Variants in PDE1C observed in about 807,000 individuals in gnomAD.
PDE1C encodes phosphodiesterase 1C.
In PDE1C, 62 loss-of-function variants were observed where a neutral mutation model predicts 93.1. The ratio of observed to expected loss-of-function variants is 0.67; its 90% CI spans 0.54 to 0.82. PDE1C has a LOEUF of 0.82. Among genes scored for constraint, PDE1C ranks in the 40% least tolerant of loss-of-function variants. The pLI is 0.00. For missense variants in PDE1C, 742 were observed against 884.6 expected, an observed-to-expected ratio of 0.84 and a Z score of 2.04; for synonymous variants, 325 against 310.1, an observed-to-expected ratio of 1.05 and a Z score of -0.50.
intron 1 of PDE1C, among the ~76,000 whole-genome samples, chr7:32,066,098 A>G (rs1020205682): frequency 1.3e-5 from 2 of 152,216 alleles, no homozygotes; most frequent in Admixed American, 1.3e-4. Flanking sequence ...GTCCAGAAGA[A>G]AAGCAAAGCC....
At chr7:31,886,644 C>A (rs1033296265) in intron 2 of PDE1C, among the ~76,000 whole-genome samples, 2 of 152,072 alleles carry the variant, frequency 1.3e-5, no homozygotes, top group Admixed American at 6.5e-5. Flanking sequence ...AATAACAAAG[C>A]CCTCCCCAGT....
the PDE1C span, among the ~76,000 whole-genome samples, chr7:31,697,685 G>T: frequency 2.6e-5 from 4 of 152,186 alleles, no homozygotes; most frequent in Non-Finnish European, 5.9e-5. Flanking sequence ...TTCATGGCTA[G>T]AGTATGACTC....
chr7:31,717,095 G>T, the PDE1C span, among the ~76,000 whole-genome samples: 1 of 152,198 alleles, frequency 6.6e-6, no homozygotes, highest in Non-Finnish European at 1.5e-5. Flanking sequence ...GCTCTGTATT[G>T]TAAGTTATAT....
intron 2 of PDE1C, among the ~76,000 whole-genome samples, chr7:31,971,784 G>A (rs903171693): frequency 3.3e-5 from 5 of 152,206 alleles, no homozygotes; most frequent in African/African-American, 1.2e-4. Context: ...TCCAAGGTAT[G>A]TTTTCTGACA....
chr7:31,890,232 C>T (rs2128897586), intron 2 of PDE1C, among the ~76,000 whole-genome samples: 1 of 152,298 alleles, frequency 6.6e-6, no homozygotes, highest in Non-Finnish European at 1.5e-5. Flanking sequence ...TGACAGACTA[C>T]CAAGAGGTAA....
intron 9 of PDE1C, among the ~76,000 whole-genome samples, chr7:31,845,507 A>G (rs1185024110): frequency 1.3e-5 from 2 of 152,070 alleles, no homozygotes; most frequent in Non-Finnish European, 2.9e-5. Context: ...GGAGGGAAAC[A>G]TCACACACTG....
intron 2 of PDE1C, among the ~76,000 whole-genome samples, chr7:31,901,629 G>T (rs1293565685): frequency 5.3e-5 from 8 of 150,978 alleles, no homozygotes; most frequent in Non-Finnish European, 1.0e-4. Context: ...AACATAGAAG[G>T]CTAAACTTTT....
At chr7:32,171,529 A>G (rs916613513) in intron 2 of PDE1C, among the ~76,000 whole-genome samples, 3 of 149,248 alleles carry the variant, frequency 2.0e-5, no homozygotes, top group Admixed American at 6.7e-5. Flanking sequence ...TATTAAAATT[A>G]ATATTTTAAT....
chr7:32,381,484 G>A (rs1351711551), intron 1 of PDE1C, among the ~76,000 whole-genome samples: 1 of 152,020 alleles, frequency 6.6e-6, no homozygotes, highest in African/African-American at 2.4e-5. Context: ...AACTACTTCT[G>A]TGCTCTAACC....
chr7:31,622,904 T>TAAAAAATGATAAAGGGGATATCA, the PDE1C span, among the ~76,000 whole-genome samples: 1 of 151,828 alleles, frequency 6.6e-6, no homozygotes, highest in Non-Finnish European at 1.5e-5. Flanking sequence ...ATAGACACAA[T>TAAAAAATGATAAAGGGGATATCA]AAAAAATGAT....
At chr7:31,922,890 A>G (rs1381176895) in intron 2 of PDE1C, among the ~76,000 whole-genome samples, 4 of 152,234 alleles carry the variant, frequency 2.6e-5, no homozygotes, top group South Asian at 2.1e-4. Context: ...AGAACAACAC[A>G]GTTTATGACT....
intron 3 of PDE1C, among the ~76,000 whole-genome samples, chr7:32,105,854 C>A (rs1440140496): frequency 6.6e-6 from 1 of 151,834 alleles, no homozygotes; most frequent in African/African-American, 2.4e-5. Flanking sequence ...GCAATTTAGA[C>A]CAGTCCAAGA....
chr7:32,256,038 G>C (rs766201952), intron 1 of PDE1C, among the ~76,000 whole-genome samples: 5 of 152,190 alleles, frequency 3.3e-5, no homozygotes, highest in Non-Finnish European at 5.9e-5. Flanking sequence ...CAGGAGGTTA[G>C]AGCTGCTCAA....
intron 1 of PDE1C, among the ~76,000 whole-genome samples, chr7:32,212,929 T>G (rs1806157200): frequency 6.6e-6 from 1 of 152,104 alleles, no homozygotes; most frequent in African/African-American, 2.4e-5. Flanking sequence ...GCCCAAGAAT[T>G]TACATGTCTG....
At chr7:31,782,766 A>G (rs1447914830) in intron 16 of PDE1C, among the ~76,000 whole-genome samples, 1 of 152,250 alleles carries the variant, frequency 6.6e-6, no homozygotes, top group Non-Finnish European at 1.5e-5. Flanking sequence ...CACAAGCAAT[A>G]CACACTCAGA....
At chr7:31,867,707 A>C (rs572557228) in intron 6 of PDE1C, among the ~76,000 whole-genome samples, 1 of 152,164 alleles carries the variant, frequency 6.6e-6, no homozygotes, top group Non-Finnish European at 1.5e-5. Context: ...CTGGCTCCTG[A>C]GCAAGCCACC....
At chr7:31,913,516 C>A (rs1231788406) in intron 2 of PDE1C, among the ~76,000 whole-genome samples, 1 of 151,928 alleles carries the variant, frequency 6.6e-6, no homozygotes, top group African/African-American at 2.4e-5. Flanking sequence ...GAACCTGGAG[C>A]CAGAAGGGCA....
chr7:31,653,035 C>G, the PDE1C span: 1 of 1,317,906 alleles, frequency 7.6e-7, no homozygotes, highest in African/African-American at 1.5e-5. Flanking sequence ...CTAGTATGTG[C>G]CTGGCACAGA....
chr7:32,202,380 A>C (rs2128831192), intron 2 of PDE1C, among the ~76,000 whole-genome samples: 1 of 152,350 alleles, frequency 6.6e-6, no homozygotes, highest in Admixed American at 6.5e-5. Context: ...AATGCTTTCC[A>C]GGACACAGTG....
Sources: gnomAD v4.1 joint callset for allele counts (sites outside exome capture counted in the v4.1 genomes callset) on GRCh38, gnomAD v4.1.1 for gene constraint, MANE v1.5 for transcripts, NCBI Gene and HGNC (gene_info 2026-07-23, HGNC 2026-07-21) for gene names.